The following MAP2K4 variants were observed in gnomAD, a reference collection of about 807,000 sequenced individuals.
MAP2K4 encodes mitogen-activated protein kinase kinase 4.
Under a neutral mutation model 48.5 loss-of-function variants are expected in MAP2K4, and 4 were observed. The observed-to-expected ratio is 0.08, with a 90% CI of 0.04 to 0.19. MAP2K4 has a LOEUF of 0.19. Ranked by LOEUF, MAP2K4 falls within the 10% of genes least tolerant of loss-of-function variation. The probability of loss-of-function intolerance (pLI) is 1.00; values close to 1 mark genes in which losing one functional copy is unlikely to be tolerated. For synonymous variants in MAP2K4, 166 were observed against 173.1 expected, an observed-to-expected ratio of 0.96 and a Z score of 0.32; for missense variants, 258 against 493.3, an observed-to-expected ratio of 0.52 and a Z score of 4.52.
chr17:12,063,958 G>A (rs1970530122), intron 2 of MAP2K4, among the ~76,000 whole-genome samples: 1 of 97,880 alleles, frequency 1.0e-5, no homozygotes, highest in Admixed American at 1.4e-4. Flanking sequence ...GGTGACAAGA[G>A]CAAAATTCTG....
chr17:12,086,805 G>A (rs1971378807), intron 3 of MAP2K4, among the ~76,000 whole-genome samples: 1 of 151,250 alleles, frequency 6.6e-6, no homozygotes, highest in South Asian at 2.1e-4. Context: ...AACTTACATA[G>A]TTATCTGGAG....
chr17:12,048,393 T>C (rs1349339728), intron 1 of MAP2K4, among the ~76,000 whole-genome samples: 1 of 152,212 alleles, frequency 6.6e-6, no homozygotes, highest in Non-Finnish European at 1.5e-5. Context: ...GGATATTTAC[T>C]TGATTTCTTA....
In MAP2K4 at chr17:12,054,963, A is replaced by G; in HGVS notation, c.190A>G (p.Asn64Asp). ...KSTARFTLNP[N>D]PTGVQNPHIE... is the part of the protein sequence containing the mutation. ...TACAGCAAGGTTTACTCTGAATCCC[A>G]ATCCTACAGGAGTTCAAAACCCACA... Residue 64 changes from asparagine to aspartate, a missense_variant, in exon 2 of 11, where the codon AAT (asparagine) becomes GAT (aspartate). Asn to Asp is a conservative substitution (Grantham distance 23). This residue lies in a region of MAP2K4 where 132 missense variants were observed against 352.8 expected (regional missense o/e 0.37). Transcript: ENST00000353533. 6.2e-7 allele frequency: 1 copy of G among 1,611,718 alleles called. No individual in the cohort carries two copies.
At chr17:12,029,123 G>A (rs965537977) in intron 1 of MAP2K4, among the ~76,000 whole-genome samples, 1 of 152,080 alleles carries the variant, frequency 6.6e-6, no homozygotes, top group Non-Finnish European at 1.5e-5. Context: ...ACAGTAAATT[G>A]TAGGTTTCAA....
intron 3 of MAP2K4, among the ~76,000 whole-genome samples, chr17:12,086,493 T>C (rs1486539804): frequency 6.6e-6 from 1 of 152,150 alleles, no homozygotes; most frequent in East Asian, 1.9e-4. Flanking sequence ...TTTTTCAGAC[T>C]GTGAGTTTGT....
intron 7 of MAP2K4, among the ~76,000 whole-genome samples, chr17:12,122,491 A>G (rs1972724791): frequency 6.6e-6 from 1 of 152,130 alleles, no homozygotes; most frequent in Admixed American, 6.5e-5. Flanking sequence ...ATATTTTCCA[A>G]TATTTTGCTA....
chr17:12,088,072 A>T (rs972171557), intron 3 of MAP2K4, among the ~76,000 whole-genome samples: 1 of 152,150 alleles, frequency 6.6e-6, no homozygotes, highest in Non-Finnish European at 1.5e-5. Flanking sequence ...GGATTTTCCA[A>T]CTTTGGTTTC....
At chr17:12,024,262 G>C (rs1969186921) in intron 1 of MAP2K4, among the ~76,000 whole-genome samples, 1 of 152,170 alleles carries the variant, frequency 6.6e-6, no homozygotes, top group Admixed American at 6.5e-5. Context: ...ATAGGGGATG[G>C]GTAGATGGTT....
intron 9 of MAP2K4, among the ~76,000 whole-genome samples, chr17:12,135,422 G>A (rs1973173597): frequency 6.6e-6 from 1 of 152,040 alleles, no homozygotes; most frequent in African/African-American, 2.4e-5. Flanking sequence ...TGTAGAGACT[G>A]GATTTCACTG....
intron 1 of MAP2K4, among the ~76,000 whole-genome samples, chr17:12,036,920 A>G (rs1167529518): frequency 6.6e-6 from 1 of 151,802 alleles, no homozygotes; most frequent in Non-Finnish European, 1.5e-5. Context: ...TTGTAGCTGT[A>G]GTATATTATC....
At chr17:12,033,989 C>A (rs914056189) in intron 1 of MAP2K4, among the ~76,000 whole-genome samples, 2 of 152,090 alleles carry the variant, frequency 1.3e-5, no homozygotes, top group Admixed American at 6.5e-5. Context: ...TGGAATCTTG[C>A]TATGTTGCCC....
chr17:12,066,330 C>T (rs930324700), intron 2 of MAP2K4, among the ~76,000 whole-genome samples: 4 of 151,874 alleles, frequency 2.6e-5, no homozygotes, highest in African/African-American at 9.7e-5. Flanking sequence ...CAAAGATAAC[C>T]CTGTTAAATG....
chr17:12,095,476 A>T, intron 3 of MAP2K4, 99 bp from the exon 4 acceptor site: 1 of 1,280,984 alleles, frequency 7.8e-7, no homozygotes, highest in Non-Finnish European at 1.1e-6. Flanking sequence ...GGTAATTTTT[A>T]GTCTCGTAAC....
chr17:12,096,775 G>A (rs543520680), intron 4 of MAP2K4, among the ~76,000 whole-genome samples: 10 of 152,226 alleles, frequency 6.6e-5, no homozygotes, highest in African/African-American at 2.4e-4. Flanking sequence ...CAATGTTAGA[G>A]GTTAGTTAAT....
chr17:12,088,424 T>C (rs75789969), intron 3 of MAP2K4, among the ~76,000 whole-genome samples: 1 of 125,408 alleles, frequency 8.0e-6, no homozygotes, highest in African/African-American at 2.9e-5. Flanking sequence ...ATATAAATTA[T>C]ATATAATATA....
chr17:12,140,541 A>G (rs1279581829), intron 10 of MAP2K4, among the ~76,000 whole-genome samples: 1 of 152,108 alleles, frequency 6.6e-6, no homozygotes, highest in East Asian at 1.9e-4. Context: ...TGGAGTTTTA[A>G]AAGGTGGGTT....
At chr17:12,125,200 C>G (rs1385987115) in intron 7 of MAP2K4, 94 bp from the exon 8 acceptor site, 4 of 824,846 alleles carry the variant, frequency 4.8e-6, no homozygotes, top group Non-Finnish European at 8.7e-6. Context: ...TAGGAATATA[C>G]TGGCATTTTG....
intron 9 of MAP2K4, among the ~76,000 whole-genome samples, chr17:12,133,964 T>C (rs1442412688): frequency 6.6e-6 from 1 of 152,250 alleles, no homozygotes; most frequent in East Asian, 1.9e-4. Flanking sequence ...ACTCCTGCCT[T>C]TCTCTTAGCA....
At chr17:12,058,316 C>T (rs1036344295) in intron 2 of MAP2K4, among the ~76,000 whole-genome samples, 2 of 151,530 alleles carry the variant, frequency 1.3e-5, no homozygotes, top group South Asian at 4.2e-4. Context: ...CCTCCCGCCT[C>T]AGCCTCCCAG....
Sources: allele counts gnomAD v4.1 joint callset (sites outside exome capture counted in the v4.1 genomes callset), GRCh38; gene constraint gnomAD v4.1.1; regional missense constraint gnomAD v4.1.1; transcripts MANE v1.5; gene names NCBI Gene and HGNC (gene_info 2026-07-23, HGNC 2026-07-21).